Variants in FAM135B observed in about 807,000 individuals in gnomAD.
FAM135B encodes family with sequence similarity 135 member B, also known as protein FAM135B.
A neutral mutation model predicts 127.7 loss-of-function variants in FAM135B; 43 were observed. That is an observed-to-expected ratio of 0.34 (90% CI 0.26 to 0.43). The LOEUF (loss-of-function observed/expected upper bound fraction) is 0.43, where lower values mean the gene tolerates loss of function less well. Among genes scored for constraint, FAM135B ranks in the 20% least tolerant of loss-of-function variants. FAM135B has a pLI of 1.00. For missense variants in FAM135B, 1,558 were observed against 1,725.6 expected (o/e 0.90, Z 1.72); for synonymous variants, 670 against 665.1 (o/e 1.01, Z -0.11).
In FAM135B at chr8:138,392,142, T is replaced by C. The variant is rs556163970; in HGVS notation, c.-19-24140A>G. Among the ~76,000 whole-genome samples, 2 of 152,330 alleles carry C rather than the reference T, an allele frequency of 1.3e-5. 1 individual carries two copies. The highest frequency in any genetic ancestry group is 4.1e-4 in the South Asian group (2 of 4,826). ...TCAGATAACGTCTGGAATGTAACCA[T>C]CTCATTTGACTAAACATTTCCCTTT... On this transcript the variant is annotated intron_variant, in intron 1 of 19. Coordinates refer to ENST00000395297, the MANE Select transcript of FAM135B (RefSeq NM_015912.4).
At chr8:138,197,190 G>A (rs1245212281) in intron 8 of FAM135B, among the ~76,000 whole-genome samples, 1 of 151,762 alleles carries the variant, frequency 6.6e-6, no homozygotes, top group East Asian at 1.9e-4. Context: ...GCTTAATTAA[G>A]AAAAGGCTAT....
chr8:138,324,469 A>C (rs1477105970), intron 2 of FAM135B, among the ~76,000 whole-genome samples: 1 of 152,228 alleles, frequency 6.6e-6, no homozygotes, highest in Non-Finnish European at 1.5e-5. Context: ...AAGTCCAAAC[A>C]AAATTATTTC....
chr8:138,247,330 TGTG>T (rs955866433), intron 6 of FAM135B, among the ~76,000 whole-genome samples: 2 of 152,196 alleles, frequency 1.3e-5, no homozygotes, highest in African/African-American at 2.4e-5. Flanking sequence ...AATCCTCACA[TGTG>T]GTGGGAGGGA....
At position 138,496,796 on chromosome 8, in the gene FAM135B, A is replaced by T. The variant is rs897130561; in HGVS notation, c.-145T>A. The T allele has an allele frequency of 1.3e-5, 2 of 150,254 alleles. No individual in the cohort carries two copies. Among genetic ancestry groups the T allele is most frequent in the African/African-American group, 4.9e-5 (2 of 40,728 alleles). 9.3% of individuals were successfully genotyped at this position (150,254 alleles called of 1,614,324 possible). On this transcript the variant is annotated 5_prime_UTR_variant, in exon 1 of 20. Transcript: ENST00000395297. The stretch of plus-strand genomic sequence containing the variant: ...GGCGGCGGCGGCGGGCGGACTGGGG[A>T]GTCCGCAGCACCTGCGAGCTGGTGT...
At chr8:138,316,232 C>A (rs12544407) in intron 2 of FAM135B, among the ~76,000 whole-genome samples, 50 of 152,226 alleles carry the variant, frequency 3.3e-4, no homozygotes, top group African/African-American at 1.2e-3. Context: ...TGAGGCCGGG[C>A]GCGGTGGCTC....
chr8:138,307,291 T>C (rs1004019058), intron 3 of FAM135B, among the ~76,000 whole-genome samples: 2 of 152,242 alleles, frequency 1.3e-5, no homozygotes, highest in African/African-American at 4.8e-5. Flanking sequence ...ATGTAAGATG[T>C]GACTTGTTCC....
intron 1 of FAM135B, among the ~76,000 whole-genome samples, chr8:138,495,676 C>G (rs1815365303): frequency 6.6e-6 from 1 of 152,110 alleles, no homozygotes; most frequent in Non-Finnish European, 1.5e-5. Context: ...CTTCCGGGGC[C>G]CTGGTCCCAG....
At chr8:138,419,336 T>G (rs75985536) in intron 1 of FAM135B, among the ~76,000 whole-genome samples, 1 of 152,028 alleles carries the variant, frequency 6.6e-6, no homozygotes, top group Non-Finnish European at 1.5e-5. Context: ...GCACCCAACA[T>G]TGGAGCACCA....
At chr8:138,490,677 G>A (rs1400051610) in intron 1 of FAM135B, among the ~76,000 whole-genome samples, 2 of 152,126 alleles carry the variant, frequency 1.3e-5, no homozygotes, top group Non-Finnish European at 2.9e-5. Context: ...AGCTACCTGG[G>A]ATGACACTCA....
intron 14 of FAM135B, 62 bp from the exon 15 acceptor site, chr8:138,146,112 C>G (rs556297246): frequency 1.2e-6 from 1 of 811,724 alleles, no homozygotes; most frequent in South Asian, 1.7e-5. Flanking sequence ...GGTTGACACA[C>G]GAGGAATTTC....
chr8:138,418,900 A>G (rs1347819089), intron 1 of FAM135B, among the ~76,000 whole-genome samples: 1 of 151,404 alleles, frequency 6.6e-6, no homozygotes, highest in Non-Finnish European at 1.5e-5. Context: ...AAAAAAAAAA[A>G]CATACTTAAG....
At chr8:138,244,092 T>C (rs1015639504) in intron 6 of FAM135B, among the ~76,000 whole-genome samples, 3 of 152,220 alleles carry the variant, frequency 2.0e-5, no homozygotes, top group Non-Finnish European at 4.4e-5. Flanking sequence ...TTTAGCATTA[T>C]ATTTATGTTT....
At chr8:138,191,173 C>T (rs1452226616) in intron 9 of FAM135B, among the ~76,000 whole-genome samples, 1 of 152,218 alleles carries the variant, frequency 6.6e-6, no homozygotes, top group Non-Finnish European at 1.5e-5. Flanking sequence ...GGCATTTTGC[C>T]CCAAGCTCTG....
chr8:138,199,156 G>A (rs966663980), intron 7 of FAM135B, among the ~76,000 whole-genome samples: 1 of 152,166 alleles, frequency 6.6e-6, no homozygotes, highest in African/African-American at 2.4e-5. Flanking sequence ...TCCTGGAGTC[G>A]ACACACGTCT....
At position 138,148,506 on chromosome 8, in the gene FAM135B, G is replaced by A; in HGVS notation, c.3448+14C>T. 2 of 1,611,544 alleles carry A rather than the reference G, an allele frequency of 1.2e-6. No homozygotes were observed. The highest frequency in any genetic ancestry group is 1.7e-6 in the Non-Finnish European group (2 of 1,178,548). On this transcript the variant is annotated intron_variant, in intron 14 of 19. Coordinates refer to ENST00000395297, the MANE Select transcript of FAM135B (RefSeq NM_015912.4). ...ATGACAGAATTTGGGAAGAAAACTT[G>A]TTTTAGAACTCACCATCCAGGCCAT...
At chr8:138,337,178 T>C (rs2131031180) in intron 2 of FAM135B, among the ~76,000 whole-genome samples, 1 of 145,934 alleles carries the variant, frequency 6.9e-6, no homozygotes, top group South Asian at 2.3e-4. Flanking sequence ...ACTGGAAGCA[T>C]TCCCTTTGAA....
chr8:138,343,145 G>A (rs1829170432), intron 2 of FAM135B, among the ~76,000 whole-genome samples: 1 of 152,240 alleles, frequency 6.6e-6, no homozygotes, highest in Non-Finnish European at 1.5e-5. Context: ...TTGGAGTCCT[G>A]ATAAAGCTCA....
chr8:138,362,283 C>CTTT (rs34005300), intron 2 of FAM135B, among the ~76,000 whole-genome samples: 33 of 99,174 alleles, frequency 3.3e-4, no homozygotes, highest in Admixed American at 7.4e-4. Context: ...ACCCCCATAT[C>CTTT]TTTTTTTTTT....
intron 1 of FAM135B, among the ~76,000 whole-genome samples, chr8:138,399,071 T>C (rs1003511158): frequency 6.6e-6 from 1 of 152,160 alleles, no homozygotes; most frequent in Non-Finnish European, 1.5e-5. Flanking sequence ...AATAATAATA[T>C]ATATTTTTAA....
Sources: gnomAD v4.1 joint callset for allele counts (sites outside exome capture counted in the v4.1 genomes callset) on GRCh38, gnomAD v4.1.1 for gene constraint, MANE v1.5 for transcripts, NCBI Gene and HGNC (gene_info 2026-07-23, HGNC 2026-07-21) for gene names.